SLC16A7: variants seen among roughly 807,000 people sequenced by gnomAD.
SLC16A7 encodes solute carrier family 16 member 7.
In SLC16A7, 33 loss-of-function variants were observed where a neutral mutation model predicts 34.9. That is an observed-to-expected ratio of 0.94 (90% CI 0.72 to 1.26). The LOEUF (loss-of-function observed/expected upper bound fraction) is 1.26. Ranked by LOEUF, SLC16A7 falls within the 50% of genes most tolerant of loss-of-function variation. The pLI, the probability that SLC16A7 is intolerant of heterozygous loss-of-function variation, is 0.00. For missense variants in SLC16A7, 573 were observed against 578.1 expected, an observed-to-expected ratio of 0.99 and a Z score of 0.09; for synonymous variants, 201 against 206.6, an observed-to-expected ratio of 0.97 and a Z score of 0.23.
chr12:59,733,889 G>A (rs1877267353), intron 3 of SLC16A7: 3 of 451,066 alleles, frequency 6.7e-6, no homozygotes, highest in African/African-American at 6.0e-5. Context: ...ACCCAAAGTG[G>A]GTATCTCCTT....
rs1878405878 is a variant in SLC16A7 at position 59,596,508 on chromosome 12, C to CT, written c.-130+273dup. Reference sequence around the variant, plus strand: ...GGGAACTGAGGGGGCGCGCGGGGTCCTGGGCAAGGAGCGCCTCGCGTGCTT... The same window carrying CT: ...GGGAACTGAGGGGGCGCGCGGGGTCCTTGGGCAAGGAGCGCCTCGCGTGCTT... On this transcript the variant is annotated intron_variant, in intron 1 of 5. Transcript: ENST00000547379. The surrounding 1 kb of genome is among the most constrained non-coding windows in gnomAD (Gnocchi z 5.0). Among the ~76,000 whole-genome samples the CT allele has an allele frequency of 3.7e-5, 3 of 81,408 alleles. No homozygotes were observed. Among genetic ancestry groups the CT allele is most frequent in the Non-Finnish European group, 7.3e-5 (3 of 41,086 alleles). 53.4% of individuals were successfully genotyped at this position (81,408 alleles called of 152,430 possible).
chr12:59,632,609 C>T (rs1050672861), intron 1 of SLC16A7, among the ~76,000 whole-genome samples: 1 of 151,972 alleles, frequency 6.6e-6, no homozygotes, highest in African/African-American at 2.4e-5. Context: ...TGCCCTAGTC[C>T]TGACACTACC....
chr12:59,739,760 A>AT (rs1301607439), intron 3 of SLC16A7, among the ~76,000 whole-genome samples: 3 of 152,068 alleles, frequency 2.0e-5, no homozygotes, highest in Non-Finnish European at 4.4e-5. Context: ...ATGGTATCTC[A>AT]TTGTGGTTTA....
chr12:59,753,698 G>T (rs143037448), intron 3 of SLC16A7, among the ~76,000 whole-genome samples: 1 of 151,936 alleles, frequency 6.6e-6, no homozygotes, highest in African/African-American at 2.4e-5. Context: ...ACAGATCAAC[G>T]AGACAGAAAG....
At chr12:59,678,645 C>A (rs538875167) in intron 2 of SLC16A7, among the ~76,000 whole-genome samples, 43 of 152,238 alleles carry the variant, frequency 2.8e-4, no homozygotes, top group African/African-American at 9.6e-4. Context: ...GGCTCATGGG[C>A]AGCCACGGGT....
intron 1 of SLC16A7, among the ~76,000 whole-genome samples, chr12:59,616,909 T>C (rs936354944): frequency 2.6e-5 from 4 of 152,186 alleles, no homozygotes; most frequent in African/African-American, 9.6e-5. Flanking sequence ...AAAAATCATA[T>C]TCTGCCTGAG....
chr12:59,684,672 C>T (rs558617364), intron 2 of SLC16A7, among the ~76,000 whole-genome samples: 2 of 152,262 alleles, frequency 1.3e-5, no homozygotes, highest in Non-Finnish European at 2.9e-5. Flanking sequence ...GAGTGGAACC[C>T]AGTCAGGCAG....
At chr12:59,647,393 C>T (rs1400991213) in intron 1 of SLC16A7, among the ~76,000 whole-genome samples, 2 of 152,136 alleles carry the variant, frequency 1.3e-5, no homozygotes, top group South Asian at 2.1e-4. Context: ...CATTCTTCTC[C>T]TTTCTGCTGC....
intron 3 of SLC16A7, among the ~76,000 whole-genome samples, chr12:59,713,407 C>A (rs1162665326): frequency 6.6e-6 from 1 of 152,088 alleles, no homozygotes; most frequent in African/African-American, 2.4e-5. Context: ...TACCGCAGTT[C>A]TTTTTAATTA....
intron 1 of SLC16A7, among the ~76,000 whole-genome samples, chr12:59,620,115 T>A (rs538330909): frequency 6.6e-6 from 1 of 152,014 alleles, no homozygotes; most frequent in East Asian, 1.9e-4. Context: ...GCAGCTGAGT[T>A]CTGTGTTGAT....
At chr12:59,656,628 T>C (rs539823821) in intron 2 of SLC16A7, among the ~76,000 whole-genome samples, 1 of 152,000 alleles carries the variant, frequency 6.6e-6, no homozygotes, top group African/African-American at 2.4e-5. Flanking sequence ...GCCATTGTAT[T>C]TGTGGTTGTT....
chr12:59,735,862 C>T, intron 3 of SLC16A7: 6 of 747,622 alleles, frequency 8.0e-6, no homozygotes, highest in South Asian at 5.8e-5. Flanking sequence ...AAAAACATAC[C>T]AACATTAGAA....
At chr12:59,698,681 A>G (rs1221168980) in intron 2 of SLC16A7, among the ~76,000 whole-genome samples, 1 of 151,902 alleles carries the variant, frequency 6.6e-6, no homozygotes, top group East Asian at 1.9e-4. Context: ...TGGTAAGATG[A>G]AGAACATCAG....
At chr12:59,614,695 G>A (rs1373090729) in intron 1 of SLC16A7, among the ~76,000 whole-genome samples, 3 of 151,266 alleles carry the variant, frequency 2.0e-5, no homozygotes, top group African/African-American at 7.3e-5. Flanking sequence ...TTATATAAAT[G>A]AGGATCCAGC....
In SLC16A7 at chr12:59,788,078, CCTT is replaced by C. The variant is rs1883746009; in HGVS notation, c.*8400_*8402del. 1 of 151,694 alleles carries C rather than the reference CCTT, an allele frequency of 6.6e-6. No individual in the cohort carries two copies. The highest frequency in any genetic ancestry group is 2.4e-5 in the African/African-American group (1 of 41,012). The allele number at this position is 151,694 out of a possible 1,614,324, so 9.4% of individuals were successfully genotyped here. On this transcript the variant is annotated 3_prime_UTR_variant, in exon 6 of 6. Transcript: ENST00000547379. ...ATTATTTCCTAGAATGAATAATTCT[CCTT>C]TTTTGATAGATTTTTGAAATTGTTT... is the stretch of plus-strand genomic sequence containing the variant.
rs1038925243 is a variant in SLC16A7 at position 59,777,307 on chromosome 12, T to C, written c.1180+1832T>C. Among the ~76,000 whole-genome samples the C allele has an allele frequency of 3.3e-5, 5 of 152,176 alleles. No individual in the cohort carries two copies. The East Asian group carries it at 9.6e-4, about 29-fold the overall frequency. ...CATGTCTGCCATCTGCTACCCGTAA[T>C]ATTTCTTGACTTTTAGATTGGCTTC... On this transcript the variant is annotated intron_variant, in intron 5 of 5. Coordinates refer to ENST00000547379, the MANE Select transcript of SLC16A7 (RefSeq NM_001270623.2).
chr12:59,686,346 T>G (rs576889638), intron 2 of SLC16A7, among the ~76,000 whole-genome samples: 1 of 152,180 alleles, frequency 6.6e-6, no homozygotes, highest in Non-Finnish European at 1.5e-5. Context: ...CTGCACTGTG[T>G]TTTTTACAAA....
At chr12:59,604,902 A>G (rs1878861820) in intron 1 of SLC16A7, among the ~76,000 whole-genome samples, 1 of 152,152 alleles carries the variant, frequency 6.6e-6, no homozygotes, top group Non-Finnish European at 1.5e-5. Flanking sequence ...GCTGGAGTGC[A>G]GTGGCACAAT....
Position 59,758,974 on chromosome 12 carries a change from G to A in SLC16A7, c.218-12245G>A, listed in dbSNP as rs908253084. Among the ~76,000 whole-genome samples, 8 of 151,986 alleles carry A rather than the reference G, an allele frequency of 5.3e-5. No individual in the cohort carries two copies. The East Asian group carries it at 7.7e-4, about 15-fold the overall frequency. ...TAATTTGATATGGAAAATATTTTGG[G>A]TCAATCATTAGTCTTTTTTATGAGT... On this transcript the variant is annotated intron_variant, in intron 3 of 5. Coordinates refer to ENST00000547379, the MANE Select transcript of SLC16A7 (RefSeq NM_001270623.2).
Sources: gnomAD v4.1 joint callset for allele counts (sites outside exome capture counted in the v4.1 genomes callset) on GRCh38, gnomAD v4.1.1 for gene constraint, Gnocchi (gnomAD v3.1) non-coding constraint, MANE v1.5 for transcripts, NCBI Gene and HGNC (gene_info 2026-07-23, HGNC 2026-07-21) for gene names.